SYT1: variants seen among roughly 807,000 people sequenced by gnomAD.
The protein encoded by SYT1 is synaptotagmin 1, also known as synaptotagmin-1.
A neutral mutation model predicts 44.8 loss-of-function variants in SYT1; 8 were observed. The ratio of observed to expected loss-of-function variants is 0.18; its 90% CI spans 0.10 to 0.32. The LOEUF (loss-of-function observed/expected upper bound fraction) is 0.32, where lower values mean the gene tolerates loss of function less well. Among genes scored for constraint, SYT1 ranks in the 10% least tolerant of loss-of-function variants. The probability of loss-of-function intolerance (pLI) is 1.00; values close to 1 mark genes in which losing one functional copy is unlikely to be tolerated. For missense variants in SYT1, 286 were observed against 509.3 expected (o/e 0.56, Z 4.22); for synonymous variants, 154 against 188.8 (o/e 0.82, Z 1.51).
intron 3 of SYT1, among the ~76,000 whole-genome samples, chr12:79,095,563 C>T (rs1167671897): frequency 6.6e-6 from 1 of 151,660 alleles, no homozygotes; most frequent in Non-Finnish European, 1.5e-5. Flanking sequence ...ATTTATAGAC[C>T]TGTTTTCACC....
In SYT1 at chr12:79,307,533, G is replaced by A. The variant is rs1880456178; in HGVS notation, c.810+7982G>A. 2.0e-5 allele frequency among the ~76,000 whole-genome samples: 3 copies of A among 151,584 alleles called. No homozygotes were observed. The South Asian group carries it at 6.2e-4, about 31-fold the overall frequency. On this transcript the variant is annotated intron_variant, in intron 8 of 10. Transcript: ENST00000261205. Reference sequence around the variant, plus strand: ...GGGGCTGAGGCTGGAGTCCTCCCAGGAGCCACAGGGGAATGAAATTTGCAG... The same window carrying A: ...GGGGCTGAGGCTGGAGTCCTCCCAGAAGCCACAGGGGAATGAAATTTGCAG...
intron 2 of SYT1, among the ~76,000 whole-genome samples, chr12:79,041,294 T>G (rs1873550254): frequency 6.6e-6 from 1 of 152,194 alleles, no homozygotes; most frequent in African/African-American, 2.4e-5. Flanking sequence ...TCCTCTTTTA[T>G]TTCATTGAGC....
intron 9 of SYT1, among the ~76,000 whole-genome samples, chr12:79,426,962 C>T (rs1236158515): frequency 1.3e-5 from 2 of 152,146 alleles, no homozygotes; most frequent in Non-Finnish European, 2.9e-5. Flanking sequence ...CCCCTGCTTA[C>T]AATTCTCCTT....
chr12:78,939,110 A>G (rs1404443206), intron 1 of SYT1, among the ~76,000 whole-genome samples: 1 of 152,218 alleles, frequency 6.6e-6, no homozygotes. Flanking sequence ...ACTGCAGATT[A>G]AAACTTTTAA....
intron 4 of SYT1, among the ~76,000 whole-genome samples, chr12:79,270,971 T>G (rs1029915754): frequency 6.6e-6 from 1 of 152,224 alleles, no homozygotes; most frequent in African/African-American, 2.4e-5. Context: ...CCCTTAGCCA[T>G]AGGGCACATT....
intron 9 of SYT1, among the ~76,000 whole-genome samples, chr12:79,399,257 G>A (rs946048042): frequency 2.7e-5 from 4 of 148,544 alleles, no homozygotes; most frequent in African/African-American, 4.9e-5. Context: ...ATTGTTATAT[G>A]ACATTGAAAC....
At chr12:79,053,760 T>C (rs930715795) in intron 3 of SYT1, among the ~76,000 whole-genome samples, 1 of 151,708 alleles carries the variant, frequency 6.6e-6, no homozygotes, top group Non-Finnish European at 1.5e-5. Flanking sequence ...TAAGTTGTTT[T>C]TGTGAACATT....
intron 4 of SYT1, among the ~76,000 whole-genome samples, chr12:79,284,852 AAG>A (rs1182844356): frequency 3.5e-4 from 53 of 152,060 alleles, no homozygotes; most frequent in African/African-American, 1.3e-3. Context: ...AAAAAAAAAA[AAG>A]AATTGATAGC....
intron 2 of SYT1, among the ~76,000 whole-genome samples, chr12:79,037,079 G>A (rs1256933121): frequency 1.3e-5 from 2 of 151,684 alleles, no homozygotes; most frequent in Admixed American, 6.6e-5. Context: ...ACTATTCTAG[G>A]GGCTGGAGAC....
intron 3 of SYT1, among the ~76,000 whole-genome samples, chr12:79,052,378 T>A (rs1445174522): frequency 6.6e-6 from 1 of 152,098 alleles, no homozygotes; most frequent in South Asian, 2.1e-4. Context: ...AAGACTTACA[T>A]GTTAGACCTA....
chr12:79,285,696 G>GAAAAAAAAAA, intron 4 of SYT1, 91 bp from the exon 5 acceptor site: 1 of 1,015,442 alleles, frequency 9.8e-7, no homozygotes, highest in East Asian at 2.5e-5. Flanking sequence ...AAATGCAAAT[G>GAAAAAAAAAA]AAAAAAATGA....
intron 1 of SYT1, among the ~76,000 whole-genome samples, chr12:78,915,909 G>T (rs1215852729): frequency 6.6e-6 from 1 of 151,912 alleles, no homozygotes; most frequent in Non-Finnish European, 1.5e-5. Context: ...TTTTTATTAA[G>T]ATTCCCTAAT....
At position 79,026,481 on chromosome 12, in the gene SYT1, G is replaced by C. The variant is rs956917487; in HGVS notation, c.-83-20816G>C. ...AAATGCAATTTTGCAGTTAAGAAAAGCGAAAAGTTATAACAAATAAAACAC... is the reference window on the plus strand; with the variant it reads ...AAATGCAATTTTGCAGTTAAGAAAACCGAAAAGTTATAACAAATAAAACAC... On this transcript the variant is annotated intron_variant, in intron 2 of 10. Coordinates refer to ENST00000261205, the MANE Select transcript of SYT1 (RefSeq NM_005639.3). Among the ~76,000 whole-genome samples the C allele has an allele frequency of 2.0e-5, 3 of 150,962 alleles. No homozygotes were observed. In the Admixed American group the frequency reaches 2.0e-4, roughly 10 times the overall value.
chr12:79,196,218 A>T (rs1873449301), intron 3 of SYT1, among the ~76,000 whole-genome samples: 1 of 151,958 alleles, frequency 6.6e-6, no homozygotes, highest in Admixed American at 6.6e-5. Context: ...ACCAGGCTGG[A>T]GTGCAGTGTC....
chr12:78,914,179 A>T (rs1477550223), intron 1 of SYT1, among the ~76,000 whole-genome samples: 1 of 151,852 alleles, frequency 6.6e-6, no homozygotes, highest in Non-Finnish European at 1.5e-5. Flanking sequence ...TATATATATA[A>T]AAGTAAATTT....
chr12:79,283,960 G>A (rs1879177530), intron 4 of SYT1, among the ~76,000 whole-genome samples: 2 of 151,802 alleles, frequency 1.3e-5, no homozygotes, highest in Non-Finnish European at 2.9e-5. Context: ...AGCAAAGAGA[G>A]TAGATTTTCT....
At chr12:79,084,788 T>C (rs1160975079) in intron 3 of SYT1, among the ~76,000 whole-genome samples, 1 of 152,148 alleles carries the variant, frequency 6.6e-6, no homozygotes, top group African/African-American at 2.4e-5. Flanking sequence ...ATTTAATTTT[T>C]TTGATGTGTA....
At chr12:79,010,894 G>T (rs1871367401) in intron 2 of SYT1, among the ~76,000 whole-genome samples, 1 of 152,038 alleles carries the variant, frequency 6.6e-6, no homozygotes, top group South Asian at 2.1e-4. Flanking sequence ...GAGCAATCTT[G>T]CTCCCATAAG....
At chr12:79,362,622 CCG>C (rs1182925095) in intron 9 of SYT1, among the ~76,000 whole-genome samples, 1 of 151,980 alleles carries the variant, frequency 6.6e-6, no homozygotes, top group African/African-American at 2.4e-5. Context: ...GATGAAGGGG[CCG>C]TGTGTGAGGA....
Sources: allele counts gnomAD v4.1 joint callset (sites outside exome capture counted in the v4.1 genomes callset), GRCh38; gene constraint gnomAD v4.1.1; transcripts MANE v1.5; gene names NCBI Gene and HGNC (gene_info 2026-07-23, HGNC 2026-07-21).